Variants in SNX30 observed in about 807,000 individuals in gnomAD.
The protein encoded by SNX30 is sorting nexin family member 30.
Under a neutral mutation model 46.4 loss-of-function variants are expected in SNX30, and 24 were observed. The ratio of observed to expected loss-of-function variants is 0.52; its 90% CI spans 0.37 to 0.73. The LOEUF is 0.73. SNX30 is among the 30% of genes least tolerant of loss of function. SNX30 has a pLI of 0.00. For synonymous variants in SNX30, 189 were observed against 211.5 expected (o/e 0.89, Z 0.92); for missense variants, 533 against 555.7 (o/e 0.96, Z 0.41).
chr9:112,805,006 C>T, intron 2 of SNX30, 39 bp downstream of exon 2: 1 of 1,506,722 alleles, frequency 6.6e-7, no homozygotes, highest in Admixed American at 1.9e-5. Context: ...GTTGAGTGGT[C>T]TCGGGGAATT....
intron 8 of SNX30, among the ~76,000 whole-genome samples, chr9:112,865,672 TATGC>T (rs1841324425): frequency 2.8e-5 from 3 of 105,318 alleles, no homozygotes; most frequent in African/African-American, 7.2e-5. Context: ...TGTATGTATG[TATGC>T]ACACACACAC....
chr9:112,793,797 G>GTTTTTTTTTTT (rs200559435), intron 1 of SNX30, among the ~76,000 whole-genome samples: 41 of 137,124 alleles, frequency 3.0e-4, no homozygotes, highest in Admixed American at 4.5e-4. Context: ...TACCTCCACT[G>GTTTTTTTTTTT]TTTTTTGTTT....
chr9:112,879,864 G>A (rs1474605040), downstream of SNX30: 1 of 1,571,548 alleles, frequency 6.4e-7, no homozygotes, highest in Non-Finnish European at 8.8e-7. Flanking sequence ...CAGCTGGAAT[G>A]GGGTAAAGGT....
chr9:112,808,663 C>T (rs368520672), intron 2 of SNX30, among the ~76,000 whole-genome samples: 2 of 152,158 alleles, frequency 1.3e-5, no homozygotes, highest in Admixed American at 6.5e-5. Context: ...AATGCCTATA[C>T]GCTCACCAGC....
intron 1 of SNX30, among the ~76,000 whole-genome samples, chr9:112,784,775 A>T (rs1167050378): frequency 6.6e-6 from 1 of 152,202 alleles, no homozygotes; most frequent in Non-Finnish European, 1.5e-5. Flanking sequence ...GTCTCTTGCC[A>T]TCCTGCCAAG....
At chr9:112,865,009 A>ATT (rs1554757252) in intron 8 of SNX30, among the ~76,000 whole-genome samples, 5 of 12,050 alleles carry the variant, frequency 4.1e-4, no homozygotes, top group African/African-American at 7.5e-4. Context: ...ACACACCCAC[A>ATT]CACCCCACTA....
chr9:112,815,837 C>T (rs1048598376), intron 2 of SNX30, among the ~76,000 whole-genome samples: 1 of 152,126 alleles, frequency 6.6e-6, no homozygotes, highest in African/African-American at 2.4e-5. Flanking sequence ...TTGAACTTCC[C>T]TTCCAACCTG....
At chr9:112,784,000 G>T (rs1038546902) in intron 1 of SNX30, among the ~76,000 whole-genome samples, 1 of 152,148 alleles carries the variant, frequency 6.6e-6, no homozygotes, top group African/African-American at 2.4e-5. Context: ...TGGCACACAG[G>T]GCTGTTGAAC....
At chr9:112,786,329 C>T (rs553849417) in intron 1 of SNX30, among the ~76,000 whole-genome samples, 41 of 152,098 alleles carry the variant, frequency 2.7e-4, no homozygotes, top group African/African-American at 8.0e-4. Context: ...TTGTGTTGCC[C>T]AGGCTGGTCT....
chr9:112,868,770 T>G lies in SNX30; in HGVS notation c.1255-14T>G, dbSNP rs1292641745. ...ACTCAAAGCTGATACTGTGTGTGTA[T>G]GTTGTCGTTCCAGTGCCTCATGGCG... On this transcript the variant is annotated splice_polypyrimidine_tract_variant and intron_variant, in intron 8 of 8. Coordinates refer to ENST00000374232, the MANE Select transcript of SNX30 (RefSeq NM_001012994.2). The G allele has an allele frequency of 6.2e-7, 1 of 1,614,010 alleles. No individual in the cohort carries two copies. Among genetic ancestry groups the G allele is most frequent in the Non-Finnish European group, 8.5e-7 (1 of 1,179,862 alleles).
chr9:112,804,356 G>T (rs1452860997), intron 1 of SNX30, among the ~76,000 whole-genome samples: 1 of 152,132 alleles, frequency 6.6e-6, no homozygotes, highest in Non-Finnish European at 1.5e-5. Context: ...GTAGAGACGG[G>T]GTTTCACCAT....
At chr9:112,846,961 C>G (rs1840947827) in intron 6 of SNX30, among the ~76,000 whole-genome samples, 1 of 152,184 alleles carries the variant, frequency 6.6e-6, no homozygotes, top group Non-Finnish European at 1.5e-5. Flanking sequence ...GCTGTGCTTT[C>G]CCGTAGATGC....
At chr9:112,818,923 G>A (rs1287584382) in intron 3 of SNX30, among the ~76,000 whole-genome samples, 3 of 152,086 alleles carry the variant, frequency 2.0e-5, no homozygotes, top group African/African-American at 7.2e-5. Context: ...TCTGTTCTCC[G>A]AGCCTGAAGT....
At chr9:112,876,551 C>T (rs190996620), downstream of SNX30, among the ~76,000 whole-genome samples, 3 of 152,268 alleles carry the variant, frequency 2.0e-5, no homozygotes, top group East Asian at 5.8e-4. Flanking sequence ...GAGATGTTGA[C>T]TTGGCTGTTG....
rs372814754 is a variant in SNX30, at chr9:112,779,292, C to G, written c.157-25484C>G. ...AGAAGAGTGAGCCTCATTAGCTTCA[C>G]TGTGGTGAGCTTTTTGTGGATTCTC... On this transcript the variant is annotated intron_variant, in intron 1 of 8. Transcript: ENST00000374232. Among the ~76,000 whole-genome samples, 46 of 152,348 alleles carry G rather than the reference C, an allele frequency of 3.0e-4. No individual in the cohort carries two copies. In the East Asian group the frequency reaches 7.1e-3, roughly 24 times the overall value.
intron 6 of SNX30, among the ~76,000 whole-genome samples, chr9:112,848,362 A>G (rs781389087): frequency 3.3e-5 from 5 of 152,016 alleles, no homozygotes; most frequent in Admixed American, 6.5e-5. Context: ...AACATCACCA[A>G]CAGCATGCAA....
chr9:112,750,660 G>T (rs1218008125), upstream of SNX30, among the ~76,000 whole-genome samples: 1 of 151,604 alleles, frequency 6.6e-6, no homozygotes, highest in South Asian at 2.1e-4. Flanking sequence ...CCTTCCCCAC[G>T]TGCCCCTTCC....
In SNX30 at chr9:112,751,141, G is replaced by A. The variant is rs867697023; in HGVS notation, c.140G>A (p.Arg47His). Residue 47 changes from arginine to histidine, a missense_variant, in exon 1 of 9, where the codon CGC becomes CAC. By Grantham distance (29) the Arg-to-His change is conservative. This residue lies in a region of SNX30 where 191 missense variants were observed against 160.3 expected (regional missense o/e 1.19). Transcript: ENST00000374232. ...STPSPDLLMA[R>H]SFGDKDLILP... Reference sequence around the variant, plus strand: ...CCCAGCCCGGACCTGCTGATGGCCCGCAGCTTCGGTGACAAGGTGGGGCGC... The same window carrying A: ...CCCAGCCCGGACCTGCTGATGGCCCACAGCTTCGGTGACAAGGTGGGGCGC... 6.6e-7 allele frequency: 1 copy of A among 1,517,998 alleles called. No individual in the cohort carries two copies. The highest frequency in any genetic ancestry group is 8.8e-7 in the Non-Finnish European group (1 of 1,139,720). The allele number at this position is 1,517,998 out of a possible 1,614,324, so 94.0% of individuals were successfully genotyped here. A position where few individuals can be genotyped will look rare whatever the true frequency, so the allele number is the denominator to read the frequency against.
upstream of SNX30, among the ~76,000 whole-genome samples, chr9:112,750,128 A>C (rs554784350): frequency 6.6e-6 from 1 of 152,304 alleles, no homozygotes; most frequent in South Asian, 2.1e-4. Flanking sequence ...GAAGAGTCGC[A>C]TATCATTTGA....
Sources: allele counts gnomAD v4.1 joint callset (sites outside exome capture counted in the v4.1 genomes callset), GRCh38; gene constraint gnomAD v4.1.1; regional missense constraint gnomAD v4.1.1; transcripts MANE v1.5; gene names NCBI Gene and HGNC (gene_info 2026-07-23, HGNC 2026-07-21).